Variants in PARD3B observed in about 807,000 individuals in gnomAD.
PARD3B encodes the protein par-3 family cell polarity regulator beta, also known as partitioning defective 3 homolog B.
A neutral mutation model predicts 130.2 loss-of-function variants in PARD3B; 103 were observed. That is an observed-to-expected ratio of 0.79 (90% CI 0.67 to 0.93). The LOEUF (loss-of-function observed/expected upper bound fraction) is 0.93. Among genes scored for constraint, PARD3B ranks in the 40% least tolerant of loss-of-function variants. The probability of loss-of-function intolerance (pLI) is 0.00; values close to 1 mark genes in which losing one functional copy is unlikely to be tolerated. For synonymous variants in PARD3B, 583 were observed against 553.2 expected (o/e 1.05, Z -0.76); for missense variants, 1,609 against 1,499.2 (o/e 1.07, Z -1.21).
At position 204,546,005 on chromosome 2, in the gene PARD3B, A is replaced by G; in HGVS notation, c.6A>G (p.Lys2=). The change falls in exon 1 of 23, where the codon AAA becomes AAG. Residue 2 remains lysine, a synonymous_variant. Transcript: ENST00000406610. ...CGTGGTCGCCGGGGGCCAGGATGAA[A>G]GTGACCGTGTGCTTCGGCAGGACGG... M[K]VTVCFGRTGI... is the part of the protein sequence containing the mutation. 1 of 1,566,746 alleles carries G rather than the reference A, an allele frequency of 6.4e-7. No homozygotes were observed. Among genetic ancestry groups the G allele is most frequent in the Non-Finnish European group, 8.7e-7 (1 of 1,155,256 alleles).
intron 2 of PARD3B, among the ~76,000 whole-genome samples, chr2:204,797,081 A>G (rs529525704): frequency 1.3e-5 from 2 of 151,036 alleles, no homozygotes; most frequent in Admixed American, 6.6e-5. Flanking sequence ...AGGCTGAGGC[A>G]GGAGAATCGC....
rs2046424833 is a variant in PARD3B, at chr2:204,890,983, C to T, written c.223-74169C>T. On this transcript the variant is annotated intron_variant, in intron 2 of 22. Coordinates refer to ENST00000406610, the MANE Select transcript of PARD3B (RefSeq NM_001302769.2). This position sits in a 1 kb window ranked among gnomAD's most constrained non-coding sequence, Gnocchi z 4.9. ...ATTCTAGGAATCTGTATCTAATTACCTGTGCAGCTAATTACCACTTCCATG... is the reference window on the plus strand; with the variant it reads ...ATTCTAGGAATCTGTATCTAATTACTTGTGCAGCTAATTACCACTTCCATG... Among the ~76,000 whole-genome samples the T allele has an allele frequency of 6.6e-6, 1 of 152,130 alleles. No individual in the cohort carries two copies. The highest frequency in any genetic ancestry group is 1.5e-5 in the Non-Finnish European group (1 of 68,022).
At chr2:204,727,037 CT>C (rs1337297510) in intron 2 of PARD3B, among the ~76,000 whole-genome samples, 5 of 152,188 alleles carry the variant, frequency 3.3e-5, no homozygotes, top group Admixed American at 6.5e-5. Context: ...CATTTCTGAC[CT>C]TTGATTCATT....
intron 1 of PARD3B, among the ~76,000 whole-genome samples, chr2:204,665,538 T>C (rs576719192): frequency 6.6e-6 from 1 of 152,326 alleles, no homozygotes; most frequent in East Asian, 1.9e-4. Flanking sequence ...CACAGATCAT[T>C]GAGTCCCAAC....
intron 15 of PARD3B, among the ~76,000 whole-genome samples, chr2:205,232,133 T>C (rs779129639): frequency 1.3e-4 from 20 of 152,182 alleles, no homozygotes; most frequent in Non-Finnish European, 1.5e-5. Context: ...TCCAAGTAAC[T>C]ATATTCCAAT....
At chr2:204,569,902 C>T (rs754935995) in intron 1 of PARD3B, among the ~76,000 whole-genome samples, 3 of 152,156 alleles carry the variant, frequency 2.0e-5, no homozygotes, top group Non-Finnish European at 4.4e-5. Context: ...TGTTAAACAT[C>T]ATCAAGATGA....
chr2:205,389,639 C>T (rs757238604), intron 18 of PARD3B, among the ~76,000 whole-genome samples: 14 of 152,274 alleles, frequency 9.2e-5, no homozygotes, highest in East Asian at 1.9e-4. Flanking sequence ...CCACTGCGCC[C>T]GGCCTGTTAT....
Position 205,550,099 on chromosome 2 carries a change from C to T in PARD3B, c.3181-3225C>T, listed in dbSNP as rs1184413414. On this transcript the variant is annotated intron_variant, in intron 21 of 22. Coordinates refer to ENST00000406610, the MANE Select transcript of PARD3B (RefSeq NM_001302769.2). This position sits in a 1 kb window ranked among gnomAD's most constrained non-coding sequence, Gnocchi z 4.5. ...AAATTCCCTGAAGACACAGTGCTTT[C>T]GATATGCCTCCATGGTTTTTCACTT... 1.3e-5 allele frequency among the ~76,000 whole-genome samples: 2 copies of T among 152,102 alleles called. No individual in the cohort carries two copies. The highest frequency in any genetic ancestry group is 4.8e-5 in the African/African-American group (2 of 41,404).
chr2:205,567,315 T>G (rs1293396308), intron 22 of PARD3B, among the ~76,000 whole-genome samples: 4 of 118,724 alleles, frequency 3.4e-5, no homozygotes, highest in Non-Finnish European at 3.5e-5. Flanking sequence ...TTTTTTTTTT[T>G]TTTTTTTTTT....
chr2:205,415,112 T>C (rs2046730389), intron 19 of PARD3B, among the ~76,000 whole-genome samples: 1 of 152,126 alleles, frequency 6.6e-6, no homozygotes, highest in Non-Finnish European at 1.5e-5. Flanking sequence ...ATTGAAAAAA[T>C]CTGCAATGAC....
At chr2:204,657,938 C>T (rs2035690784) in intron 1 of PARD3B, among the ~76,000 whole-genome samples, 1 of 152,036 alleles carries the variant, frequency 6.6e-6, no homozygotes, top group African/African-American at 2.4e-5. Context: ...TTCATATATT[C>T]TATAGTTTAT....
intron 3 of PARD3B, among the ~76,000 whole-genome samples, chr2:205,018,609 A>G (rs1179682037): frequency 6.6e-6 from 1 of 151,436 alleles, no homozygotes; most frequent in East Asian, 1.9e-4. Context: ...ACTTAAATGC[A>G]TTATGTACCA....
At chr2:205,356,849 C>T (rs892650714) in intron 18 of PARD3B, among the ~76,000 whole-genome samples, 2 of 146,418 alleles carry the variant, frequency 1.4e-5, no homozygotes, top group Admixed American at 1.4e-4. Flanking sequence ...TGAGATTGCG[C>T]CATTATACTC....
chr2:205,185,249 C>A (rs1042521199), intron 13 of PARD3B, among the ~76,000 whole-genome samples: 1 of 149,200 alleles, frequency 6.7e-6, no homozygotes, highest in Non-Finnish European at 1.5e-5. Context: ...AAAAAGAGCG[C>A]ACGTTTGTGT....
intron 3 of PARD3B, among the ~76,000 whole-genome samples, chr2:205,037,524 T>A (rs1698080411): frequency 6.8e-6 from 1 of 148,032 alleles, no homozygotes; most frequent in Non-Finnish European, 1.5e-5. Context: ...ATATAAAATA[T>A]GTATATAGTG....
chr2:205,225,631 A>G (rs116758212), intron 15 of PARD3B, among the ~76,000 whole-genome samples: 1,658 of 152,332 alleles, frequency 0.011, 34 homozygotes, highest in African/African-American at 0.038. Flanking sequence ...TACAAGAAGC[A>G]TGACTGAGTG....
intron 1 of PARD3B, among the ~76,000 whole-genome samples, chr2:204,567,195 T>C (rs1034270177): frequency 6.6e-6 from 1 of 152,122 alleles, no homozygotes. Context: ...TCCTCCTCTT[T>C]TATGTTGGAT....
intron 10 of PARD3B, among the ~76,000 whole-genome samples, chr2:205,139,116 A>G (rs1007934750): frequency 6.6e-6 from 1 of 152,190 alleles, no homozygotes; most frequent in Non-Finnish European, 1.5e-5. Flanking sequence ...TGTTTTGGAG[A>G]TACCATGGAG....
At chr2:205,518,594 T>G (rs2050893378) in intron 21 of PARD3B, among the ~76,000 whole-genome samples, 1 of 152,200 alleles carries the variant, frequency 6.6e-6, no homozygotes, top group Non-Finnish European at 1.5e-5. Context: ...AGGTTAATAT[T>G]GATATGTGTG....
Sources: allele counts gnomAD v4.1 joint callset (sites outside exome capture counted in the v4.1 genomes callset), GRCh38; gene constraint gnomAD v4.1.1; non-coding constraint Gnocchi (gnomAD v3.1); transcripts MANE v1.5; gene names NCBI Gene and HGNC (gene_info 2026-07-23, HGNC 2026-07-21).